The following NPAS3 variants were observed in gnomAD, a reference collection of about 807,000 sequenced individuals.
NPAS3 encodes the protein neuronal PAS domain-containing protein 3.
In NPAS3, 14 loss-of-function variants were observed where a neutral mutation model predicts 73.1. That is an observed-to-expected ratio of 0.19 (90% CI 0.13 to 0.30). The LOEUF (loss-of-function observed/expected upper bound fraction) is 0.30, where lower values mean the gene tolerates loss of function less well. NPAS3 is among the 10% of genes least tolerant of loss of function. The probability of loss-of-function intolerance (pLI) is 1.00; values close to 1 mark genes in which losing one functional copy is unlikely to be tolerated. For synonymous variants in NPAS3, 620 were observed against 541.5 expected (o/e 1.14, Z -2.01); for missense variants, 1,096 against 1,250.0 (o/e 0.88, Z 1.86).
chr14:33,760,610 T>C (rs1361786030), intron 7 of NPAS3, among the ~76,000 whole-genome samples: 1 of 152,078 alleles, frequency 6.6e-6, no homozygotes, highest in Non-Finnish European at 1.5e-5. Flanking sequence ...TTCTAAAGTG[T>C]TATGGAAAAG....
chr14:33,055,799 G>GGTGGTGGC, intron 1 of NPAS3, 106 bp from the exon 2 acceptor site: 83 of 662,134 alleles, frequency 1.3e-4, no homozygotes, highest in Middle Eastern at 2.5e-4. Context: ...GAGCTCAAAA[G>GGTGGTGGC]CGTAAAAAGC....
chr14:33,196,379 G>A lies in NPAS3; in HGVS notation c.141-18803G>A, dbSNP rs370129825. Among the ~76,000 whole-genome samples, 4 of 152,140 alleles carry A rather than the reference G, an allele frequency of 2.6e-5. No individual in the cohort carries two copies. The East Asian group carries it at 5.8e-4, about 22-fold the overall frequency. Reference sequence around the variant, plus strand: ...CTCGGATAGTTCAGTTAGCTCCCTCGTGACAAGGATGTAAGTATCCTGACC... The same window carrying A: ...CTCGGATAGTTCAGTTAGCTCCCTCATGACAAGGATGTAAGTATCCTGACC... On this transcript the variant is annotated intron_variant, in intron 2 of 11. Transcript: ENST00000356141.
At chr14:33,003,567 A>G (rs2038885928) in intron 1 of NPAS3, among the ~76,000 whole-genome samples, 1 of 152,220 alleles carries the variant, frequency 6.6e-6, no homozygotes, top group Non-Finnish European at 1.5e-5. Flanking sequence ...AGGTGTCTAA[A>G]TGAAGCATTC....
At position 33,668,550 on chromosome 14, in the gene NPAS3, G is replaced by A. The variant is rs113225914; in HGVS notation, c.559-7661G>A. On this transcript the variant is annotated intron_variant, in intron 5 of 11. Coordinates refer to ENST00000356141, the Ensembl canonical transcript of NPAS3. ...ATAAGAGCTGGGCTGGCGAGGTGGC[G>A]CATGCCTGTAATCCCAGCACTTTGG... is the stretch of plus-strand genomic sequence containing the variant. Among the ~76,000 whole-genome samples the A allele has an allele frequency of 5.4e-4, 82 of 152,192 alleles. 1 individual carries two copies. The highest frequency in any genetic ancestry group is 1.2e-3 in the African/African-American group (48 of 41,538).
At chr14:33,217,548 A>G (rs1048307949) in intron 3 of NPAS3, among the ~76,000 whole-genome samples, 5 of 152,174 alleles carry the variant, frequency 3.3e-5, no homozygotes, top group Non-Finnish European at 4.4e-5. Flanking sequence ...AAATGAAATG[A>G]TGGAATGGAC....
chr14:33,674,681 G>A (rs866527018), intron 5 of NPAS3, among the ~76,000 whole-genome samples: 3 of 152,204 alleles, frequency 2.0e-5, no homozygotes, highest in Non-Finnish European at 4.4e-5. Flanking sequence ...GGTGATACAG[G>A]AGGAGAGTGC....
chr14:33,344,194 C>T (rs2044623479), intron 3 of NPAS3, among the ~76,000 whole-genome samples: 1 of 152,164 alleles, frequency 6.6e-6, no homozygotes, highest in Admixed American at 6.5e-5. Flanking sequence ...GATAGAACAA[C>T]AAACTTGGTT....
intron 4 of NPAS3, among the ~76,000 whole-genome samples, chr14:33,484,910 T>A (rs1358255618): frequency 2.0e-5 from 3 of 152,150 alleles, no homozygotes; most frequent in Non-Finnish European, 4.4e-5. Context: ...TTCATTTTCT[T>A]GTTCCCCTGA....
chr14:33,197,761 A>G (rs1234915605), intron 2 of NPAS3, among the ~76,000 whole-genome samples: 1 of 152,204 alleles, frequency 6.6e-6, no homozygotes, highest in African/African-American at 2.4e-5. Context: ...AGTGATTTGT[A>G]AGTATCCTGC....
In NPAS3 at chr14:33,046,424, A is replaced by T. The variant is rs137863929; in HGVS notation, c.51-9481A>T. Among the ~76,000 whole-genome samples the T allele has an allele frequency of 2.6e-3, 391 of 152,286 alleles. 3 individuals carry two copies. The highest frequency in any genetic ancestry group is 8.3e-3 in the African/African-American group (344 of 41,560). ...GACAGAGGTGTGACTGATGGAGTGAAGGAAGGTGAGTTTAAATCAGGAGAA... is the reference window on the plus strand; with the variant it reads ...GACAGAGGTGTGACTGATGGAGTGATGGAAGGTGAGTTTAAATCAGGAGAA... On this transcript the variant is annotated intron_variant, in intron 1 of 11. Coordinates refer to ENST00000356141, the Ensembl canonical transcript of NPAS3.
rs1478035199 is a variant in NPAS3, at chr14:33,244,049, T to C, written c.385+28623T>C. ...TTTCAGTTCTGTGCACATAGCTTTG[T>C]TTGATTTCCTATACATGTTGGGTGT... On this transcript the variant is annotated intron_variant, in intron 3 of 11. Coordinates refer to ENST00000356141, the Ensembl canonical transcript of NPAS3. Among the ~76,000 whole-genome samples the C allele has an allele frequency of 2.6e-5, 4 of 152,134 alleles. No homozygotes were observed. The South Asian group carries it at 8.3e-4, about 32-fold the overall frequency.
intron 3 of NPAS3, among the ~76,000 whole-genome samples, chr14:33,286,145 T>C (rs145326669): frequency 6.6e-6 from 1 of 152,272 alleles, no homozygotes; most frequent in African/African-American, 2.4e-5. Context: ...GTTCCAAAGA[T>C]CAGGTAGCCA....
intron 3 of NPAS3, among the ~76,000 whole-genome samples, chr14:33,328,213 C>T (rs1465658486): frequency 6.6e-6 from 1 of 151,882 alleles, no homozygotes; most frequent in Non-Finnish European, 1.5e-5. Flanking sequence ...GAGCTGGGCC[C>T]CAAGGGATCC....
intron 2 of NPAS3, among the ~76,000 whole-genome samples, chr14:33,129,860 A>G (rs1207057328): frequency 1.3e-5 from 2 of 152,170 alleles, no homozygotes; most frequent in African/African-American, 4.8e-5. Flanking sequence ...ATAATTTTCA[A>G]AGATATTTTA....
intron 9 of NPAS3, among the ~76,000 whole-genome samples, chr14:33,779,948 G>C (rs1434843069): frequency 1.3e-5 from 2 of 152,176 alleles, no homozygotes; most frequent in Non-Finnish European, 2.9e-5. Flanking sequence ...TCTTATCTTG[G>C]TCAAAGAGAG....
chr14:33,237,704 A>G (rs575419188), intron 3 of NPAS3, among the ~76,000 whole-genome samples: 6 of 152,142 alleles, frequency 3.9e-5, no homozygotes, highest in African/African-American at 9.6e-5. Flanking sequence ...ATGCATACGT[A>G]TATATCTATA....
At chr14:33,427,619 G>A (rs1449920256) in intron 4 of NPAS3, among the ~76,000 whole-genome samples, 1 of 151,846 alleles carries the variant, frequency 6.6e-6, no homozygotes, top group Non-Finnish European at 1.5e-5. Flanking sequence ...GTTGAACTTT[G>A]AATCTGATTC....
intron 4 of NPAS3, among the ~76,000 whole-genome samples, chr14:33,518,405 A>G (rs1321452191): frequency 6.6e-6 from 1 of 152,062 alleles, no homozygotes; most frequent in Non-Finnish European, 1.5e-5. Context: ...CTGCTTGTGT[A>G]AGTGTGCATC....
Position 33,012,765 on chromosome 14 carries a change from G to A in NPAS3, c.51-43140G>A, listed in dbSNP as rs188221047. ...GAGTTTCACTGTGTTCCCCAGGCTG[G>A]TCTCGAACTACTGAGCTCAGGCAAT... On this transcript the variant is annotated intron_variant, in intron 1 of 11. Coordinates refer to ENST00000356141, the Ensembl canonical transcript of NPAS3. 8.5e-5 allele frequency among the ~76,000 whole-genome samples: 13 copies of A among 152,224 alleles called. No individual in the cohort carries two copies. The East Asian group carries it at 2.3e-3, about 27-fold the overall frequency.
Sources: gnomAD v4.1 joint callset for allele counts (sites outside exome capture counted in the v4.1 genomes callset) on GRCh38, gnomAD v4.1.1 for gene constraint, MANE v1.5 for transcripts, NCBI Gene and HGNC (gene_info 2026-07-23, HGNC 2026-07-21) for gene names.